The following TECR variants were observed in gnomAD, a reference collection of about 807,000 sequenced individuals.
TECR encodes the protein very-long-chain enoyl-CoA reductase.
A neutral mutation model predicts 50.6 loss-of-function variants in TECR; 19 were observed. That is an observed-to-expected ratio of 0.38 (90% CI 0.26 to 0.55). The LOEUF (loss-of-function observed/expected upper bound fraction) is 0.55. TECR is among the 20% of genes least tolerant of loss of function. The probability of loss-of-function intolerance (pLI) is 0.79; values close to 1 mark genes in which losing one functional copy is unlikely to be tolerated. For missense variants in TECR, 313 were observed against 408.3 expected (o/e 0.77, Z 2.01); for synonymous variants, 168 against 163.5 (o/e 1.03, Z -0.21).
At chr19:14,557,629 T>C (rs1275704782) in intron 1 of TECR, among the ~76,000 whole-genome samples, 1 of 151,052 alleles carries the variant, frequency 6.6e-6, no homozygotes, top group African/African-American at 2.4e-5. Context: ...TTTTTGTATC[T>C]TTGGTAGAGA....
chr19:14,545,171 TTGC>T (rs1228617506), intron 1 of TECR: 3 of 456,632 alleles, frequency 6.6e-6, no homozygotes, highest in Non-Finnish European at 1.3e-5. Flanking sequence ...CGATTCCTCA[TTGC>T]TCAAGGGTAA....
chr19:14,565,826 G>A lies in TECR; in HGVS notation c.882G>A (p.Arg294=). The A allele has an allele frequency of 6.3e-7, 1 of 1,599,288 alleles. No homozygotes were observed. Among genetic ancestry groups the A allele is most frequent in the Non-Finnish European group, 8.5e-7 (1 of 1,174,308 alleles). Residue 294 remains arginine, a synonymous_variant, in exon 13 of 13, where the codon CGG becomes CGA. Coordinates refer to ENST00000215567, the MANE Select transcript of TECR (RefSeq NM_138501.6). ...ACCGCAGCTACCTGAAGGAGTTCCG[G>A]GACTACCCGCCCCTGCGCATGCCCA... The part of the protein sequence containing the change: ...GKHRSYLKEF[R]DYPPLRMPII...
At chr19:14,551,657 C>T (rs183685252) in intron 1 of TECR, among the ~76,000 whole-genome samples, 13 of 152,132 alleles carry the variant, frequency 8.5e-5, no homozygotes, top group African/African-American at 2.9e-4. Context: ...TGCCTGGGCC[C>T]CGCTGTGGTA....
rs186289440 is a variant in TECR at position 14,552,131 on chromosome 19, G to A, written c.16-10394G>A. ...TGAGATTACAGGCATGAGCCACCGC[G>A]CCTGGCCTTTTTCTTTTCTTTCTTT... On this transcript the variant is annotated intron_variant, in intron 1 of 12. Transcript: ENST00000215567. Among the ~76,000 whole-genome samples the A allele has an allele frequency of 1.6e-3, 245 of 149,360 alleles. 1 individual carries two copies. The highest frequency in any genetic ancestry group is 5.8e-3 in the African/African-American group (235 of 40,616).
rs562701930 is a variant in TECR at position 14,565,486 on chromosome 19, G to A, written c.754-132G>A. On this transcript the variant is annotated intron_variant, in intron 11 of 12. Coordinates refer to ENST00000215567, the MANE Select transcript of TECR (RefSeq NM_138501.6). ...CTGGGCTTCCGCCGTATACAGCCCC[G>A]CCTCCGCTGGAATTGGGTTCCCATC... is the stretch of plus-strand genomic sequence containing the variant. 59 of 1,440,564 alleles carry A rather than the reference G, an allele frequency of 4.1e-5. No homozygotes were observed. In the Middle Eastern group the frequency reaches 9.1e-4, roughly 22 times the overall value. The allele number at this position is 1,440,564 out of a possible 1,614,324, so 89.2% of individuals were successfully genotyped here. A position where few individuals can be genotyped will look rare whatever the true frequency, so the allele number is the denominator to read the frequency against.
rs2074035051 is a variant in TECR at position 14,565,066 on chromosome 19, A to G, written c.607A>G (p.Ile203Val). The G allele has an allele frequency of 6.2e-7, 1 of 1,613,822 alleles. No homozygotes were observed. Among genetic ancestry groups the G allele is most frequent in the Non-Finnish European group, 8.5e-7 (1 of 1,180,004 alleles). Residue 203 changes from isoleucine to valine, a missense_variant and splice_region_variant, in exon 10 of 13, where the codon ATC (isoleucine) becomes GTC (valine). Physicochemically the swap from Ile to Val is conservative, Grantham distance 29. Transcript: ENST00000215567. Reference sequence around the variant, plus strand: ...TAGGCTGATCCTGCTTCTCTGACAGATCTGCCAGCTCGGCAACTTCTCCAT... The same window carrying G: ...TAGGCTGATCCTGCTTCTCTGACAGGTCTGCCAGCTCGGCAACTTCTCCAT... ...QVKLALAIFV[I>V]CQLGNFSIHM...
chr19:14,565,695 TGCCCCTCCGGGCCGGCA>T (rs768023680), intron 12 of TECR, 32 bp downstream of exon 12: 1 of 1,611,706 alleles, frequency 6.2e-7, no homozygotes. Flanking sequence ...GGCGGGGCCC[TGCCCCTCCGGGCCGGCA>T]GCCCCTCCCT....
chr19:14,547,000 A>C (rs1319903339), intron 1 of TECR, among the ~76,000 whole-genome samples: 2 of 152,148 alleles, frequency 1.3e-5, no homozygotes, highest in South Asian at 4.1e-4. Flanking sequence ...CAGCCTAAAA[A>C]TTAAATTTCA....
chr19:14,542,687 C>T (rs1408029681), intron 1 of TECR, among the ~76,000 whole-genome samples: 2 of 152,096 alleles, frequency 1.3e-5, no homozygotes, highest in Non-Finnish European at 2.9e-5. Flanking sequence ...AATAAAAATG[C>T]ACAGAGCATT....
At chr19:14,549,424 G>A (rs1568412980) in intron 1 of TECR, among the ~76,000 whole-genome samples, 1 of 151,902 alleles carries the variant, frequency 6.6e-6, no homozygotes, top group African/African-American at 2.4e-5. Context: ...TATTGGCCAG[G>A]CTAGTCTTGA....
At chr19:14,550,664 G>C (rs983923950) in intron 1 of TECR, among the ~76,000 whole-genome samples, 6 of 152,088 alleles carry the variant, frequency 3.9e-5, no homozygotes, top group Non-Finnish European at 8.8e-5. Flanking sequence ...GGCCCCAGCG[G>C]CCAGGAGTGT....
In TECR at chr19:14,542,347, G is replaced by GTTTTTTTT. The variant is rs71166754; in HGVS notation, c.15+12658_15+12665dup. On this transcript the variant is annotated intron_variant, in intron 1 of 12. Transcript: ENST00000215567. ...CCTCAGGGGGCCCTCATGCCATAGT[G>GTTTTTTTT]TTTTTTTTTTTTTTTTTTTTTTTTT... 4.0e-3 allele frequency among the ~76,000 whole-genome samples: 173 copies of GTTTTTTTT among 43,286 alleles called. 35 individuals are homozygous for GTTTTTTTT. The highest frequency in any genetic ancestry group is 0.042 in the Middle Eastern group (2 of 48). 28.4% of individuals were successfully genotyped at this position (43,286 alleles called of 152,430 possible).
At chr19:14,555,438 CTT>C (rs747503834) in intron 1 of TECR, among the ~76,000 whole-genome samples, 106 of 92,858 alleles carry the variant, frequency 1.1e-3, no homozygotes, top group African/African-American at 3.6e-3. Context: ...TTTATTTATT[CTT>C]TTTTTTTTTT....
At chr19:14,561,401 G>A (rs2073897218) in intron 1 of TECR, among the ~76,000 whole-genome samples, 1 of 152,106 alleles carries the variant, frequency 6.6e-6, no homozygotes. Flanking sequence ...CCCTGCATAG[G>A]GTGGGTCAGA....
rs140567626 is a variant in TECR at position 14,546,159 on chromosome 19, A to G, written c.16-16366A>G. Among the ~76,000 whole-genome samples, 356 of 152,208 alleles carry G rather than the reference A, an allele frequency of 2.3e-3. 1 individual carries two copies. Among genetic ancestry groups the G allele is most frequent in the African/African-American group, 8.4e-3 (348 of 41,550 alleles). On this transcript the variant is annotated intron_variant, in intron 1 of 12. Coordinates refer to ENST00000215567, the MANE Select transcript of TECR (RefSeq NM_138501.6). Reference sequence around the variant, plus strand: ...TCACAAATCTGCTTTCAGAAAAATCATGGGGGCGGCGCTGGGGGCTACTCA... The same window carrying G: ...TCACAAATCTGCTTTCAGAAAAATCGTGGGGGCGGCGCTGGGGGCTACTCA...
Position 14,563,164 on chromosome 19 carries a change from C to T in TECR, c.67-42C>T, listed in dbSNP as rs376415137. 6 of 1,613,678 alleles carry T rather than the reference C, an allele frequency of 3.7e-6. No individual in the cohort carries two copies. The African/African-American group carries it at 5.3e-5, about 14-fold the overall frequency. ...AGTACCTCCCCATCCTGAGTCTGGG[C>T]TCCCCGCAGAGCTGACGTCCCTGCG... On this transcript the variant is annotated intron_variant, in intron 2 of 12. Transcript: ENST00000215567. This position sits in a 1 kb window ranked among gnomAD's most constrained non-coding sequence, Gnocchi z 5.3.
Position 14,563,476 on chromosome 19 carries a change from C to T in TECR, c.119-182C>T, listed in dbSNP as rs889794007. On this transcript the variant is annotated intron_variant, in intron 3 of 12. Transcript: ENST00000215567. The surrounding 1 kb of genome is among the most constrained non-coding windows in gnomAD (Gnocchi z 5.3). ...AAGGACAAGATCCTGCTTCTGCCCGCGCTCTTCTGGCTTGTGTCCTGAAAC... is the reference window on the plus strand; with the variant it reads ...AAGGACAAGATCCTGCTTCTGCCCGTGCTCTTCTGGCTTGTGTCCTGAAAC... 8.0e-5 allele frequency: 69 copies of T among 863,960 alleles called. No homozygotes were observed. Among genetic ancestry groups the T allele is most frequent in the South Asian group, 6.3e-4 (42 of 66,656 alleles). 53.5% of individuals were successfully genotyped at this position (863,960 alleles called of 1,614,324 possible).
intron 1 of TECR, among the ~76,000 whole-genome samples, chr19:14,548,694 C>CA (rs2146595349): frequency 6.6e-6 from 1 of 152,264 alleles, no homozygotes; most frequent in African/African-American, 2.4e-5. Flanking sequence ...TCTCCTGTCT[C>CA]AGCCTCCCAA....
rs551067421 is a variant in TECR, at chr19:14,558,925, C to T, written c.16-3600C>T. On this transcript the variant is annotated intron_variant, in intron 1 of 12. Transcript: ENST00000215567. ...GTTCAGCAGCTGCCTGTACCCTCTGCAGCCCTGGGCTTCCCCTGGGAGCCC... is the reference window on the plus strand; with the variant it reads ...GTTCAGCAGCTGCCTGTACCCTCTGTAGCCCTGGGCTTCCCCTGGGAGCCC... Among the ~76,000 whole-genome samples the T allele has an allele frequency of 3.3e-4, 51 of 152,366 alleles. 1 individual carries two copies. In the South Asian group the frequency reaches 0.01, roughly 30 times the overall value.
Sources: allele counts gnomAD v4.1 joint callset (sites outside exome capture counted in the v4.1 genomes callset), GRCh38; gene constraint gnomAD v4.1.1; non-coding constraint Gnocchi (gnomAD v3.1); transcripts MANE v1.5; gene names NCBI Gene and HGNC (gene_info 2026-07-23, HGNC 2026-07-21).